ZDHHC1: variants seen among roughly 807,000 people sequenced by gnomAD.
The protein encoded by ZDHHC1 is palmitoyltransferase ZDHHC1.
A neutral mutation model predicts 46.9 loss-of-function variants in ZDHHC1; 45 were observed. That is an observed-to-expected ratio of 0.96 (90% CI 0.76 to 1.23). The LOEUF (loss-of-function observed/expected upper bound fraction) is 1.23. Ranked by LOEUF, ZDHHC1 falls within the 50% of genes most tolerant of loss-of-function variation. The probability of loss-of-function intolerance (pLI) is 0.00; values close to 1 mark genes in which losing one functional copy is unlikely to be tolerated. For missense variants in ZDHHC1, 649 were observed against 670.8 expected, an observed-to-expected ratio of 0.97 and a Z score of 0.36; for synonymous variants, 291 against 286.0, an observed-to-expected ratio of 1.02 and a Z score of -0.18.
Position 67,394,593 on chromosome 16 carries a change from C to G in ZDHHC1, c.*17G>C. On this transcript the variant is annotated 3_prime_UTR_variant, in exon 12 of 12. Transcript: ENST00000565726. ...AGGCCGGCCGCTCTAACTCGGCCCT[C>G]CGGCCTCTCGGCCCAGCTAAGCCAG... 1 of 1,167,412 alleles carries G rather than the reference C, an allele frequency of 8.6e-7. No homozygotes were observed. Among genetic ancestry groups the G allele is most frequent in the Non-Finnish European group, 1.1e-6 (1 of 946,730 alleles). The allele number at this position is 1,167,412 out of a possible 1,614,324, so 72.3% of individuals were successfully genotyped here.
chr16:67,400,531 T>C (rs909409684), intron 4 of ZDHHC1, among the ~76,000 whole-genome samples: 2 of 152,208 alleles, frequency 1.3e-5, no homozygotes, highest in African/African-American at 2.4e-5. Flanking sequence ...AGTGGCTGTG[T>C]CTGGCCTATC....
At chr16:67,413,922 G>A in intron 1 of ZDHHC1, among the ~76,000 whole-genome samples, 1 of 137,294 alleles carries the variant, frequency 7.3e-6, no homozygotes, top group East Asian at 2.1e-4. Context: ...CTGGGCAACA[G>A]AGCGAGACTC....
chr16:67,410,643 TA>T (rs971850414), intron 1 of ZDHHC1, among the ~76,000 whole-genome samples: 2 of 134,574 alleles, frequency 1.5e-5, no homozygotes, highest in East Asian at 1.9e-4. Context: ...CTACCTTAAT[TA>T]ATTATTATTA....
At chr16:67,410,823 G>A (rs1014212372) in intron 1 of ZDHHC1, among the ~76,000 whole-genome samples, 14 of 151,864 alleles carry the variant, frequency 9.2e-5, no homozygotes, top group Admixed American at 4.6e-4. Context: ...GCACCACCAC[G>A]TCCAGCTAAT....
chr16:67,399,224 C>T (rs1342008181), intron 5 of ZDHHC1, 131 bp downstream of exon 5: 2 of 880,694 alleles, frequency 2.3e-6, no homozygotes, highest in African/African-American at 3.4e-5. Context: ...GGGCAGCACC[C>T]CCGCATAAAA....
rs781498666 is a variant in ZDHHC1, at chr16:67,394,572, C to A, written c.*38G>T. On this transcript the variant is annotated 3_prime_UTR_variant, in exon 12 of 12. Coordinates refer to ENST00000565726, the MANE Select transcript of ZDHHC1 (RefSeq NM_001323627.2). ...TGGGGTGTTGCATAGAGAGTCAGGC[C>A]GGCCGCTCTAACTCGGCCCTCCGGC... The A allele has an allele frequency of 8.8e-7, 1 of 1,141,396 alleles. No homozygotes were observed. The highest frequency in any genetic ancestry group is 4.7e-5 in the East Asian group (1 of 21,362). 70.7% of individuals were successfully genotyped at this position (1,141,396 alleles called of 1,614,324 possible). A position where few individuals can be genotyped will look rare whatever the true frequency, so the allele number is the denominator to read the frequency against.
At chr16:67,404,599 G>C (rs1597543210) in intron 3 of ZDHHC1, 1 of 441,326 alleles carries the variant, frequency 2.3e-6, no homozygotes, top group East Asian at 7.1e-5. Flanking sequence ...TGAATGCGGA[G>C]ACAAAGCCCT....
chr16:67,395,415 TCTC>T lies in ZDHHC1; in HGVS notation c.1010+66_1010+68del. On this transcript the variant is annotated intron_variant, in intron 9 of 11. Transcript: ENST00000565726. ...ATGCCCCGACCTTAGCCTACCCCCT[TCTC>T]CTGCCTCGATGGCCCTGCCATGCTA... 3 of 1,544,480 alleles carry T rather than the reference TCTC, an allele frequency of 1.9e-6. 1 individual carries two copies. In the East Asian group the frequency reaches 7.3e-5, roughly 38 times the overall value.
chr16:67,394,776 T>A lies in ZDHHC1; in HGVS notation c.1283A>T (p.Glu428Val), dbSNP rs1273773227. ...CAGGCGCGTCTGCGCCACTGGAATC[T>A]CGTCCACGGACTCTGCCGACGCCGA... ...YHSASAESVD[E>V]IPVAQTRLGS... is the part of the protein sequence containing the mutation. Residue 428 changes from glutamate (E) to valine (V), a missense_variant, in exon 12 of 12, where the codon GAG becomes GTG. Glu to Val is a moderately radical substitution (Grantham distance 121, BLOSUM62 -2). Coordinates refer to ENST00000565726, the MANE Select transcript of ZDHHC1 (RefSeq NM_001323627.2). The A allele has an allele frequency of 6.5e-7, 1 of 1,530,396 alleles. No homozygotes were observed. Among genetic ancestry groups the A allele is most frequent in the African/African-American group, 1.4e-5 (1 of 72,452 alleles). The allele number at this position is 1,530,396 out of a possible 1,614,324, so 94.8% of individuals were successfully genotyped here.
intron 5 of ZDHHC1, 57 bp from the exon 6 acceptor site, chr16:67,399,001 A>G: frequency 1.9e-6 from 3 of 1,586,978 alleles, no homozygotes; most frequent in Non-Finnish European, 2.6e-6. Context: ...CAGAAGGCCC[A>G]TAGGAGTTGG....
intron 3 of ZDHHC1, chr16:67,404,087 T>G (rs1288639891): frequency 1.3e-5 from 2 of 152,244 alleles, no homozygotes; most frequent in African/African-American, 4.8e-5. Context: ...AGAGAGGCAG[T>G]TGGCAGTGGC....
intron 3 of ZDHHC1, chr16:67,404,623 T>G: frequency 2.2e-6 from 1 of 452,446 alleles, no homozygotes; most frequent in Admixed American, 2.4e-5. Flanking sequence ...CCCGCCCCTC[T>G]CAGGACAGTC....
rs758957657 is a variant in ZDHHC1, at chr16:67,398,541, C to T, written c.814+32G>A. ...CCTTCCTGCAATCTGAGGACCCCTG[C>T]GTTCCAGAAGGCAGGTGCAGGAGGC... On this transcript the variant is annotated intron_variant, in intron 7 of 11. Coordinates refer to ENST00000565726, the MANE Select transcript of ZDHHC1 (RefSeq NM_001323627.2). The T allele has an allele frequency of 1.9e-5, 30 of 1,570,312 alleles. No homozygotes were observed. The South Asian group carries it at 2.5e-4, about 13-fold the overall frequency.
chr16:67,407,698 A>C, intron 2 of ZDHHC1, 69 bp downstream of exon 2: 1 of 778,950 alleles, frequency 1.3e-6, no homozygotes. Flanking sequence ...CAAAGGCAGC[A>C]AATGTGCTGG....
At chr16:67,407,145 G>A (rs1469999626) in intron 2 of ZDHHC1, among the ~76,000 whole-genome samples, 2 of 152,206 alleles carry the variant, frequency 1.3e-5, no homozygotes, top group African/African-American at 2.4e-5. Context: ...GTGGGCTAAC[G>A]CCCTTGGACT....
chr16:67,406,583 A>C lies in ZDHHC1; in HGVS notation c.10-141T>G, dbSNP rs2040665640. 3.6e-6 allele frequency: 4 copies of C among 1,111,708 alleles called. No homozygotes were observed. Among genetic ancestry groups the C allele is most frequent in the Non-Finnish European group, 3.7e-6 (3 of 812,430 alleles). The allele number at this position is 1,111,708 out of a possible 1,614,324, so 68.9% of individuals were successfully genotyped here. A position where few individuals can be genotyped will look rare whatever the true frequency, so the allele number is the denominator to read the frequency against. On this transcript the variant is annotated intron_variant, in intron 2 of 11. Transcript: ENST00000565726. This position sits in a 1 kb window ranked among gnomAD's most constrained non-coding sequence, Gnocchi z 4.1. ...GCTGGGGAAACTGGGGTCCTAGCAC[A>C]ATAGAGATGGGCAGTGGGGAGAGGG...
intron 1 of ZDHHC1, among the ~76,000 whole-genome samples, chr16:67,414,715 C>A (rs571913895): frequency 9.8e-5 from 15 of 152,312 alleles, no homozygotes; most frequent in African/African-American, 3.4e-4. Context: ...AACACCCACT[C>A]CCATCATGAG....
At chr16:67,415,854 C>T (rs564949276) in intron 1 of ZDHHC1, among the ~76,000 whole-genome samples, 2 of 152,222 alleles carry the variant, frequency 1.3e-5, no homozygotes, top group Non-Finnish European at 2.9e-5. Flanking sequence ...CCTAACCCGA[C>T]CTGAAATCAC....
rs115587458 is a variant in ZDHHC1, at chr16:67,413,149, C to G, written c.-39+3022G>C. ...AGCTGGAGTGCAGTGGTGCAATCATCGTTCACTGTAACCTCAAACTCATGG... is the reference window on the plus strand; with the variant it reads ...AGCTGGAGTGCAGTGGTGCAATCATGGTTCACTGTAACCTCAAACTCATGG... On this transcript the variant is annotated intron_variant, in intron 1 of 11. Transcript: ENST00000565726. Among the ~76,000 whole-genome samples, 924 of 151,820 alleles carry G rather than the reference C, an allele frequency of 6.1e-3. 7 individuals carry two copies. Among genetic ancestry groups the G allele is most frequent in the African/African-American group, 0.021 (862 of 41,400 alleles).
Sources: gnomAD v4.1 joint callset for allele counts (sites outside exome capture counted in the v4.1 genomes callset) on GRCh38, gnomAD v4.1.1 for gene constraint, Gnocchi (gnomAD v3.1) non-coding constraint, MANE v1.5 for transcripts, NCBI Gene and HGNC (gene_info 2026-07-23, HGNC 2026-07-21) for gene names.